Variants in SLC35F3 observed in about 807,000 individuals in gnomAD.
The protein encoded by SLC35F3 is solute carrier family 35 member F3.
A neutral mutation model predicts 49.9 loss-of-function variants in SLC35F3; 25 were observed. The observed-to-expected ratio is 0.50, with a 90% CI of 0.37 to 0.70. The LOEUF (loss-of-function observed/expected upper bound fraction) is 0.70. Ranked by LOEUF, SLC35F3 falls within the 30% of genes least tolerant of loss-of-function variation. SLC35F3 has a pLI of 0.00. For missense variants in SLC35F3, 525 were observed against 639.8 expected (o/e 0.82, Z 1.94); for synonymous variants, 275 against 265.4 (o/e 1.04, Z -0.35).
rs191520634 is a variant in SLC35F3, at chr1:234,308,522, G to T, written c.609-579G>T. The stretch of plus-strand genomic sequence containing the variant: ...TTAGTGTAGTTTGTATGTGGCCTAA[G>T]ACAATTCTTTTTCTAATGTGACCCA... On this transcript the variant is annotated intron_variant, in intron 3 of 7. Coordinates refer to ENST00000366618, the MANE Select transcript of SLC35F3 (RefSeq NM_173508.4). Among the ~76,000 whole-genome samples the T allele has an allele frequency of 3.8e-3, 580 of 152,174 alleles. 3 individuals carry two copies. The highest frequency in any genetic ancestry group is 6.1e-3 in the Non-Finnish European group (417 of 68,028).
At chr1:234,297,419 G>T (rs1459243854) in intron 3 of SLC35F3, among the ~76,000 whole-genome samples, 4 of 152,238 alleles carry the variant, frequency 2.6e-5, no homozygotes, top group Non-Finnish European at 5.9e-5. Flanking sequence ...AATGGATAAA[G>T]TGTGGTATGT....
chr1:234,067,598 G>A (rs1664640796), intron 2 of SLC35F3, among the ~76,000 whole-genome samples: 1 of 152,168 alleles, frequency 6.6e-6, no homozygotes, highest in African/African-American at 2.4e-5. Flanking sequence ...TCAGAACCCT[G>A]AGACTACCTG....
chr1:234,321,037 G>GCCCCCC (rs34198235), intron 7 of SLC35F3, among the ~76,000 whole-genome samples: 6 of 131,734 alleles, frequency 4.6e-5, no homozygotes, highest in Non-Finnish European at 1.0e-4. Flanking sequence ...TTAAAAGATT[G>GCCCCCC]CCCCCCCCCC....
At chr1:234,266,372 C>T (rs1228917055) in intron 3 of SLC35F3, among the ~76,000 whole-genome samples, 2 of 152,144 alleles carry the variant, frequency 1.3e-5, no homozygotes, top group South Asian at 2.1e-4. Context: ...CTAAAACTAA[C>T]AGTTTATGCC....
chr1:233,905,497 C>T, intron 1 of SLC35F3, 32 bp from the exon 2 acceptor site: 1 of 1,526,372 alleles, frequency 6.6e-7, no homozygotes, highest in Middle Eastern at 1.7e-4. Flanking sequence ...TCCCCCTGCC[C>T]ACCCACCTGC....
intron 2 of SLC35F3, among the ~76,000 whole-genome samples, chr1:234,186,069 G>A (rs1382924847): frequency 2.6e-5 from 4 of 152,196 alleles, no homozygotes; most frequent in Non-Finnish European, 5.9e-5. Flanking sequence ...GATAGAAACA[G>A]GCACCAGGGA....
At chr1:234,014,236 G>A (rs986954935) in intron 2 of SLC35F3, among the ~76,000 whole-genome samples, 1 of 152,080 alleles carries the variant, frequency 6.6e-6, no homozygotes, top group Non-Finnish European at 1.5e-5. Context: ...AAGGACAAAC[G>A]CCATATGATC....
intron 2 of SLC35F3, among the ~76,000 whole-genome samples, chr1:233,987,564 C>T (rs1019913210): frequency 6.6e-6 from 1 of 151,116 alleles, no homozygotes; most frequent in South Asian, 2.1e-4. Context: ...ATTGATTTTG[C>T]ATCTGGTATT....
chr1:234,215,407 T>G (rs1049093698), intron 2 of SLC35F3, among the ~76,000 whole-genome samples: 1 of 152,138 alleles, frequency 6.6e-6, no homozygotes, highest in Non-Finnish European at 1.5e-5. Context: ...CCAGTCCCAG[T>G]TCTTAACTCC....
intron 2 of SLC35F3, among the ~76,000 whole-genome samples, chr1:233,931,514 A>G (rs141766778): frequency 0.01 from 1,585 of 152,354 alleles, 28 homozygotes; most frequent in African/African-American, 0.037. Flanking sequence ...TCAAAAGAAG[A>G]CATTTATGCA....
At chr1:234,275,167 G>A (rs114742476) in intron 3 of SLC35F3, among the ~76,000 whole-genome samples, 114 of 152,240 alleles carry the variant, frequency 7.5e-4, no homozygotes, top group Non-Finnish European at 1.1e-3. Context: ...CAGTCAAAAC[G>A]TAGTCAAAGC....
intron 4 of SLC35F3, among the ~76,000 whole-genome samples, chr1:234,313,797 G>C (rs1449334889): frequency 1.3e-5 from 2 of 152,152 alleles, no homozygotes; most frequent in Non-Finnish European, 2.9e-5. Flanking sequence ...TGCAGGAAAT[G>C]GGCAGGAAAA....
chr1:234,213,508 G>C (rs1467743482), intron 2 of SLC35F3: 1 of 152,232 alleles, frequency 6.6e-6, no homozygotes, highest in Non-Finnish European at 1.5e-5. Context: ...ATGCCCCTCC[G>C]GACTCAGTGG....
chr1:233,942,630 T>C (rs1662446922), intron 2 of SLC35F3, among the ~76,000 whole-genome samples: 1 of 152,054 alleles, frequency 6.6e-6, no homozygotes, highest in South Asian at 2.1e-4. Flanking sequence ...CCCAAGCTGG[T>C]CTCAAACTCC....
At chr1:233,906,363 A>C (rs1192770673) in intron 2 of SLC35F3, among the ~76,000 whole-genome samples, 2 of 152,208 alleles carry the variant, frequency 1.3e-5, no homozygotes, top group Non-Finnish European at 2.9e-5. Context: ...CAGGTGGAGA[A>C]GCTGAAATGT....
chr1:234,022,005 G>C (rs1324864713), intron 2 of SLC35F3, among the ~76,000 whole-genome samples: 1 of 152,132 alleles, frequency 6.6e-6, no homozygotes, highest in Non-Finnish European at 1.5e-5. Context: ...TTCCAAGCTT[G>C]GGCATTTCTG....
At chr1:234,180,276 G>T (rs1040703751) in intron 2 of SLC35F3, among the ~76,000 whole-genome samples, 1 of 152,144 alleles carries the variant, frequency 6.6e-6, no homozygotes, top group African/African-American at 2.4e-5. Context: ...ATGATCTTAG[G>T]GTCAGTGCAT....
chr1:234,051,748 C>T (rs1010832407), intron 2 of SLC35F3, among the ~76,000 whole-genome samples: 22 of 152,216 alleles, frequency 1.4e-4, no homozygotes, highest in African/African-American at 5.1e-4. Context: ...CCAGTTTTTG[C>T]CCATTCAGTA....
chr1:233,908,813 C>T (rs12063413), intron 2 of SLC35F3, among the ~76,000 whole-genome samples: 2,345 of 150,588 alleles, frequency 0.016, 22 homozygotes, highest in Middle Eastern at 0.038. Flanking sequence ...GAATTACAGT[C>T]GTGAGCCACC....
Sources: allele counts gnomAD v4.1 joint callset (sites outside exome capture counted in the v4.1 genomes callset), GRCh38; gene constraint gnomAD v4.1.1; transcripts MANE v1.5; gene names NCBI Gene and HGNC (gene_info 2026-07-23, HGNC 2026-07-21).